CYP2C18: variants seen among roughly 807,000 people sequenced by gnomAD.
The protein encoded by CYP2C18 is cytochrome P450 family 2 subfamily C member 18.
A neutral mutation model predicts 41.3 loss-of-function variants in CYP2C18; 38 were observed. The ratio of observed to expected loss-of-function variants is 0.92; its 90% CI spans 0.71 to 1.21. CYP2C18 has a LOEUF of 1.21. Ranked by LOEUF, CYP2C18 falls within the 50% of genes most tolerant of loss-of-function variation. CYP2C18 has a pLI of 0.00. For missense variants in CYP2C18, 635 were observed against 591.4 expected, an observed-to-expected ratio of 1.07 and a Z score of -0.77; for synonymous variants, 236 against 210.0, an observed-to-expected ratio of 1.12 and a Z score of -1.07.
At chr10:94,722,759 C>G (rs1847668989) in intron 6 of CYP2C18, among the ~76,000 whole-genome samples, 2 of 152,140 alleles carry the variant, frequency 1.3e-5, no homozygotes, top group Non-Finnish European at 2.9e-5. Flanking sequence ...AAGAGGCTCA[C>G]TCATGGACAA....
intron 7 of CYP2C18, among the ~76,000 whole-genome samples, chr10:94,730,242 G>A (rs1461947625): frequency 1.3e-5 from 2 of 152,032 alleles, no homozygotes; most frequent in African/African-American, 2.4e-5. Context: ...AAAATTTTTA[G>A]GATGTGAATA....
Position 94,735,379 on chromosome 10 carries a change from AC to A in CYP2C18, c.1413del (p.Ile472LeufsTer82), listed in dbSNP as rs1847903139. The A allele has an allele frequency of 1.9e-6, 3 of 1,613,434 alleles. No individual in the cohort carries two copies. Among genetic ancestry groups the A allele is most frequent in the African/African-American group, 1.3e-5 (1 of 74,818 alleles). On this transcript the variant is annotated frameshift_variant, in exon 9 of 9. Coordinates refer to ENST00000285979, the MANE Select transcript of CYP2C18 (RefSeq NM_000772.3). LOFTEE classifies it low-confidence loss of function (END_TRUNC). ...GGTTGACCCAAAGGATATTGACATC[AC>A]CCCCATTGCCAATGCATTTGGTCGT... is the stretch of plus-strand genomic sequence containing the variant. ...SQVDPKDIDI[T>X]PIANAFGRVP...
chr10:94,722,363 C>T (rs909965225), intron 6 of CYP2C18, among the ~76,000 whole-genome samples: 4 of 152,032 alleles, frequency 2.6e-5, no homozygotes, highest in Admixed American at 6.6e-5. Flanking sequence ...CTCTGCATAA[C>T]ATATTAGCCA....
intron 5 of CYP2C18, among the ~76,000 whole-genome samples, chr10:94,718,135 A>T (rs1183337827): frequency 6.6e-6 from 1 of 151,834 alleles, no homozygotes; most frequent in Non-Finnish European, 1.5e-5. Context: ...TTTAATTAAT[A>T]TTTTATATTT....
intron 3 of CYP2C18, among the ~76,000 whole-genome samples, chr10:94,691,151 T>C (rs565162235): frequency 2.0e-5 from 3 of 152,098 alleles, no homozygotes; most frequent in Non-Finnish European, 4.4e-5. Context: ...CCGTTCAACA[T>C]AGTGTCGGAA....
At chr10:94,715,186 G>T (rs930306729) in intron 5 of CYP2C18, among the ~76,000 whole-genome samples, 2 of 152,080 alleles carry the variant, frequency 1.3e-5, no homozygotes, top group African/African-American at 4.8e-5. Context: ...TCTCCTGCCT[G>T]ATTACTCTGG....
chr10:94,687,784 T>C lies in CYP2C18; in HGVS notation c.183T>C (p.Tyr61=). 6.2e-7 allele frequency: 1 copy of C among 1,612,964 alleles called. No homozygotes were observed. The highest frequency in any genetic ancestry group is 8.5e-7 in the Non-Finnish European group (1 of 1,179,454). ...TCTATGTTTAGTTCTCAAAAGTCTA[T>C]GGCCCTGTGTTCACTGTGTATTTTG... The part of the protein sequence containing the change: ...SKSLTNFSKV[Y]GPVFTVYFGL... The change falls in exon 2 of 9, where the codon TAT becomes TAC. Residue 61 remains tyrosine, a synonymous_variant. Coordinates refer to ENST00000285979, the MANE Select transcript of CYP2C18 (RefSeq NM_000772.3).
intron 4 of CYP2C18, among the ~76,000 whole-genome samples, chr10:94,701,343 A>G (rs1847240116): frequency 6.6e-6 from 1 of 152,174 alleles, no homozygotes; most frequent in Non-Finnish European, 1.5e-5. Context: ...GCTGGAAACC[A>G]TAATTCTCAG....
chr10:94,688,721 G>A (rs1846942440), intron 3 of CYP2C18, among the ~76,000 whole-genome samples: 1 of 152,148 alleles, frequency 6.6e-6, no homozygotes, highest in Non-Finnish European at 1.5e-5. Flanking sequence ...TAATCCTATT[G>A]TGTCCCAGGC....
At chr10:94,729,123 A>G (rs1353106863) in intron 7 of CYP2C18, among the ~76,000 whole-genome samples, 1 of 152,108 alleles carries the variant, frequency 6.6e-6, no homozygotes, top group Non-Finnish European at 1.5e-5. Context: ...ACTGTTGTTG[A>G]TGGTCCAGTA....
chr10:94,717,717 C>T (rs1847577267), intron 5 of CYP2C18, among the ~76,000 whole-genome samples: 1 of 151,974 alleles, frequency 6.6e-6, no homozygotes, highest in African/African-American at 2.4e-5. Context: ...AGAGACTGTC[C>T]CCTTTCCATT....
intron 7 of CYP2C18, among the ~76,000 whole-genome samples, chr10:94,726,191 T>A (rs1406270517): frequency 7.3e-5 from 10 of 136,556 alleles, no homozygotes; most frequent in South Asian, 5.4e-4. Flanking sequence ...TCAAAAAAAA[T>A]TTTTTTTCAA....
At chr10:94,684,727 G>T (rs1388625060) in intron 1 of CYP2C18, among the ~76,000 whole-genome samples, 7 of 152,122 alleles carry the variant, frequency 4.6e-5, no homozygotes, top group Non-Finnish European at 1.0e-4. Flanking sequence ...TAGTGGGATT[G>T]CTGGATCATC....
chr10:94,724,497 C>G lies in CYP2C18; in HGVS notation c.1113C>G (p.Thr371=). 1.2e-6 allele frequency: 2 copies of G among 1,613,590 alleles called. No homozygotes were observed. The highest frequency in any genetic ancestry group is 2.2e-5 in the South Asian group (2 of 91,078). The stretch of plus-strand genomic sequence containing the variant: ...CCACCAACCTGCCCCATGCAGTGAC[C>G]TGTGATGTTAAATTCAAAAACTACC... ...LLPTNLPHAV[T]CDVKFKNYLI... Residue 371 remains threonine (T), a synonymous_variant, in exon 7 of 9, where the codon ACC becomes ACG. Coordinates refer to ENST00000285979, the MANE Select transcript of CYP2C18 (RefSeq NM_000772.3).
Position 94,735,427 on chromosome 10 carries a change from T to A in CYP2C18, c.1456T>A (p.Cys486Ser). ...TCGTGTGCCACCCTTGTACCAGCTC[T>A]GCTTCATTCCTGTCTGAAGAAGGGC... ...FGRVPPLYQL[C>S]FIPV The change falls in exon 9 of 9, where the codon TGC (cysteine) becomes AGC (serine). Residue 486 changes from cysteine to serine, a missense_variant. Transcript: ENST00000285979. The A allele has an allele frequency of 6.2e-7, 1 of 1,613,574 alleles. No individual in the cohort carries two copies.
chr10:94,701,952 G>T (rs1847253977), intron 4 of CYP2C18, among the ~76,000 whole-genome samples: 1 of 152,154 alleles, frequency 6.6e-6, no homozygotes, highest in South Asian at 2.1e-4. Context: ...TAATCTTTCT[G>T]TAAATCTGTA....
At chr10:94,705,328 A>G (rs1327400177) in intron 4 of CYP2C18, among the ~76,000 whole-genome samples, 1 of 152,142 alleles carries the variant, frequency 6.6e-6, no homozygotes, top group Non-Finnish European at 1.5e-5. Flanking sequence ...ACATGGACCC[A>G]GGGAGGGGAA....
intron 5 of CYP2C18, among the ~76,000 whole-genome samples, chr10:94,717,754 A>G (rs1847577662): frequency 6.6e-6 from 1 of 152,110 alleles, no homozygotes; most frequent in Non-Finnish European, 1.5e-5. Context: ...TTTGTCTAAA[A>G]TCAATTGTAG....
chr10:94,733,199 T>C (rs1026512652), intron 7 of CYP2C18, 98 bp from the exon 8 acceptor site: 1 of 1,194,906 alleles, frequency 8.4e-7, no homozygotes, highest in Non-Finnish European at 1.2e-6. Context: ...TCAATTTTCT[T>C]ATCTATTGAT....
Sources: allele counts gnomAD v4.1 joint callset (sites outside exome capture counted in the v4.1 genomes callset), GRCh38; gene constraint gnomAD v4.1.1; transcripts MANE v1.5; gene names NCBI Gene and HGNC (gene_info 2026-07-23, HGNC 2026-07-21).